RSPRY1: variants seen among roughly 807,000 people sequenced by gnomAD.
The protein encoded by RSPRY1 is RING finger and SPRY domain-containing protein 1.
Under a neutral mutation model 73.1 loss-of-function variants are expected in RSPRY1, and 23 were observed. That is an observed-to-expected ratio of 0.31 (90% CI 0.23 to 0.45). The LOEUF (loss-of-function observed/expected upper bound fraction) is 0.45, where lower values mean the gene tolerates loss of function less well. Ranked by LOEUF, RSPRY1 falls within the 20% of genes least tolerant of loss-of-function variation. RSPRY1 has a pLI of 1.00. For synonymous variants in RSPRY1, 226 were observed against 251.4 expected, an observed-to-expected ratio of 0.90 and a Z score of 0.95; for missense variants, 448 against 698.7, an observed-to-expected ratio of 0.64 and a Z score of 4.05.
At position 57,204,932 on chromosome 16, in the gene RSPRY1, G is replaced by A; in HGVS notation, c.274G>A (p.Glu92Lys). 1 of 1,614,192 alleles carries A rather than the reference G, an allele frequency of 6.2e-7. No homozygotes were observed. The highest frequency in any genetic ancestry group is 8.5e-7 in the Non-Finnish European group (1 of 1,180,040). ...ACCAAGGAGGGGCCGAGGACCTCAT[G>A]AGCCAAGGAGAAAGAAACAAAATGT... is the stretch of plus-strand genomic sequence containing the variant. Reference protein sequence around the residue: ...RPPRRGRGPHEPRRKKQNVDG... With the variant: ...RPPRRGRGPHKPRRKKQNVDG... The change falls in exon 2 of 15, where the codon GAG becomes AAG. Residue 92 changes from glutamate (E) to lysine (K), a missense_variant. Physicochemically the swap from Glu to Lys is moderately conservative, Grantham distance 56. Coordinates refer to ENST00000394420, the MANE Select transcript of RSPRY1 (RefSeq NM_133368.3).
At chr16:57,213,528 G>A (rs1597895383) in intron 5 of RSPRY1, among the ~76,000 whole-genome samples, 1 of 152,230 alleles carries the variant, frequency 6.6e-6, no homozygotes, top group Admixed American at 6.5e-5. Context: ...TGAGAAGCAG[G>A]TATTTAATTT....
In RSPRY1 at chr16:57,220,776, A is replaced by G. The variant is rs1383399295; in HGVS notation, c.946A>G (p.Ser316Gly). 4 of 1,613,884 alleles carry G rather than the reference A, an allele frequency of 2.5e-6. No individual in the cohort carries two copies. The Admixed American group carries it at 5.0e-5, about 20-fold the overall frequency. The change falls in exon 9 of 15, where the codon AGT becomes GGT. Residue 316 changes from serine (S) to glycine (G), a missense_variant. By Grantham distance (56) the Ser-to-Gly change is moderately conservative. Transcript: ENST00000394420. ...RQLTYEKVNL[S>G]SIRAMLNSND... ...GCTGACCTATGAGAAAGTGAACTTG[A>G]GTAGCATTAGGGCCATGCTGAATAG... is the stretch of plus-strand genomic sequence containing the variant.
rs2075214343 is a variant in RSPRY1, at chr16:57,231,209, A to G, written c.1419A>G (p.Gln473=). 1 of 1,613,928 alleles carries G rather than the reference A, an allele frequency of 6.2e-7. No individual in the cohort carries two copies. The highest frequency in any genetic ancestry group is 8.5e-7 in the Non-Finnish European group (1 of 1,179,936). Residue 473 remains glutamine (Q), a synonymous_variant, in exon 13 of 15, where the codon CAA becomes CAG. Coordinates refer to ENST00000394420, the MANE Select transcript of RSPRY1 (RefSeq NM_133368.3). ...CAGCTAGTTTCATGTCATATCAACA[A>G]TGTGAGTTCAATTTTGGAGCAAAAC... ...FAAASFMSYQ[Q]CEFNFGAKPF...
At chr16:57,199,895 G>GTTTTTTTTTTCTTTTTTTTTTTTTT (rs2074530206) in intron 1 of RSPRY1, among the ~76,000 whole-genome samples, 2 of 106,248 alleles carry the variant, frequency 1.9e-5, no homozygotes, top group African/African-American at 3.6e-5. Context: ...TTTTTTGTTT[G>GTTTTTTTTTTCTTTTTTTTTTTTTT]TTTTTTTTTT....
chr16:57,235,815 C>G lies in RSPRY1; in HGVS notation c.1634+587C>G, dbSNP rs184470732. ...ACCTGTAATTCATCATATCCCATAC[C>G]CTGCCTTGGTCTTATTTTTGACATA... On this transcript the variant is annotated intron_variant, in intron 14 of 14. Coordinates refer to ENST00000394420, the MANE Select transcript of RSPRY1 (RefSeq NM_133368.3). 6.6e-5 allele frequency among the ~76,000 whole-genome samples: 10 copies of G among 152,268 alleles called. No homozygotes were observed. The East Asian group carries it at 1.7e-3, about 26-fold the overall frequency.
chr16:57,195,999 C>T (rs1015970685), intron 1 of RSPRY1, among the ~76,000 whole-genome samples: 4 of 138,050 alleles, frequency 2.9e-5, no homozygotes, highest in Admixed American at 7.5e-5. Context: ...TCCAGCCTGG[C>T]GACAGAGTGA....
At chr16:57,218,731 T>C (rs2074982782) in intron 8 of RSPRY1, among the ~76,000 whole-genome samples, 1 of 102,448 alleles carries the variant, frequency 9.8e-6, no homozygotes, top group South Asian at 4.2e-4. Flanking sequence ...TTTTTTTTTT[T>C]TTTTTTTTTT....
In RSPRY1 at chr16:57,204,929, C is replaced by T; in HGVS notation, c.271C>T (p.His91Tyr). 1 of 1,614,200 alleles carries T rather than the reference C, an allele frequency of 6.2e-7. No homozygotes were observed. Among genetic ancestry groups the T allele is most frequent in the South Asian group, 1.1e-5 (1 of 91,074 alleles). The change falls in exon 2 of 15, where the codon CAT becomes TAT. Residue 91 changes from histidine to tyrosine, a missense_variant. Transcript: ENST00000394420. ...GCCACCAAGGAGGGGCCGAGGACCTCATGAGCCAAGGAGAAAGAAACAAAA... is the reference window on the plus strand; with the variant it reads ...GCCACCAAGGAGGGGCCGAGGACCTTATGAGCCAAGGAGAAAGAAACAAAA... Reference protein sequence around the residue: ...VRPPRRGRGPHEPRRKKQNVD... With the variant: ...VRPPRRGRGPYEPRRKKQNVD...
chr16:57,198,680 G>T (rs1247174018), intron 1 of RSPRY1, among the ~76,000 whole-genome samples: 2 of 152,080 alleles, frequency 1.3e-5, no homozygotes, highest in African/African-American at 4.8e-5. Context: ...TTGTTTTCTG[G>T]AACTTGACAT....
intron 8 of RSPRY1, among the ~76,000 whole-genome samples, chr16:57,218,088 G>T (rs1440087390): frequency 6.6e-6 from 1 of 152,158 alleles, no homozygotes; most frequent in African/African-American, 2.4e-5. Context: ...TCTACTCCTT[G>T]ACTAGGGTAG....
chr16:57,202,813 A>G (rs1469321902), intron 1 of RSPRY1, among the ~76,000 whole-genome samples: 6 of 149,256 alleles, frequency 4.0e-5, no homozygotes. Context: ...GTTCCATCCC[A>G]TTCCATTCTT....
intron 1 of RSPRY1, among the ~76,000 whole-genome samples, chr16:57,194,567 TGGGGGA>T (rs2074406114): frequency 6.6e-6 from 1 of 152,128 alleles, no homozygotes. Context: ...TTAGCCTTTG[TGGGGGA>T]GGGTTGGAAA....
At chr16:57,216,444 A>G in intron 7 of RSPRY1, 2 of 423,112 alleles carry the variant, frequency 4.7e-6, no homozygotes, top group South Asian at 6.8e-5. Context: ...AGAAAAAAGT[A>G]TGGTGGCTCT....
intron 6 of RSPRY1, among the ~76,000 whole-genome samples, chr16:57,214,214 T>C (rs2074897624): frequency 6.6e-6 from 1 of 152,234 alleles, no homozygotes; most frequent in Non-Finnish European, 1.5e-5. Flanking sequence ...TGATTGGCTC[T>C]TTTGCATGTT....
intron 1 of RSPRY1, among the ~76,000 whole-genome samples, chr16:57,187,870 C>G (rs1456969163): frequency 6.6e-6 from 1 of 152,188 alleles, no homozygotes; most frequent in Non-Finnish European, 1.5e-5. Flanking sequence ...CTTTGAACTT[C>G]TTATGGTGCT....
chr16:57,210,171 C>G (rs765631494), intron 4 of RSPRY1, among the ~76,000 whole-genome samples: 10 of 151,862 alleles, frequency 6.6e-5, no homozygotes, highest in Non-Finnish European at 1.5e-4. Context: ...CTCAACCTCT[C>G]AGGTTCAAGT....
chr16:57,216,054 C>T, intron 6 of RSPRY1, 53 bp from the exon 7 acceptor site: 1 of 1,390,956 alleles, frequency 7.2e-7, no homozygotes, highest in South Asian at 1.2e-5. Context: ...AACTTGCCAC[C>T]TCTGCAGGGG....
intron 13 of RSPRY1, among the ~76,000 whole-genome samples, chr16:57,234,249 T>A (rs1044212337): frequency 1.3e-5 from 2 of 152,140 alleles, no homozygotes; most frequent in African/African-American, 2.4e-5. Context: ...CCACAAAACT[T>A]ACTTCCTCAC....
chr16:57,205,294 T>G (rs1204808565), intron 2 of RSPRY1: 4 of 353,438 alleles, frequency 1.1e-5, no homozygotes, highest in Non-Finnish European at 2.1e-5. Context: ...GGAGTGAGTT[T>G]ATGTTGCTAG....
Sources: allele counts gnomAD v4.1 joint callset (sites outside exome capture counted in the v4.1 genomes callset), GRCh38; gene constraint gnomAD v4.1.1; transcripts MANE v1.5; gene names NCBI Gene and HGNC (gene_info 2026-07-23, HGNC 2026-07-21).